Variants in WFDC1 observed in about 807,000 individuals in gnomAD.
The protein encoded by WFDC1 is WAP four-disulfide core domain 1.
A neutral mutation model predicts 32.9 loss-of-function variants in WFDC1; 39 were observed. The observed-to-expected ratio is 1.19, with a 90% CI of 0.92 to 1.55. The LOEUF is 1.55. Ranked by LOEUF, WFDC1 falls within the 40% of genes most tolerant of loss-of-function variation. The pLI, the probability that WFDC1 is intolerant of heterozygous loss-of-function variation, is 0.00. For synonymous variants in WFDC1, 184 were observed against 137.4 expected, an observed-to-expected ratio of 1.34 and a Z score of -2.37; for missense variants, 386 against 309.5, an observed-to-expected ratio of 1.25 and a Z score of -1.85.
At chr16:84,299,687 C>G (rs369223757) in intron 1 of WFDC1, among the ~76,000 whole-genome samples, 3 of 152,194 alleles carry the variant, frequency 2.0e-5, no homozygotes, top group East Asian at 3.9e-4. Flanking sequence ...TGCTATGCAG[C>G]CCCTGGCCTG....
At chr16:84,300,182 G>A (rs923615619) in intron 1 of WFDC1, among the ~76,000 whole-genome samples, 3 of 152,242 alleles carry the variant, frequency 2.0e-5, no homozygotes, top group African/African-American at 7.2e-5. Context: ...CTGGCCTGAA[G>A]GCTTTCTCTG....
rs371335943 is a variant in WFDC1, at chr16:84,295,055, C to T, written c.84C>T (p.Ala28=). ...GCCTCTTGCTACTTCTCCTCCACGCCGGCTCTGCCAAGAATATCTGGAAAC... is the reference window on the plus strand; with the variant it reads ...GCCTCTTGCTACTTCTCCTCCACGCTGGCTCTGCCAAGAATATCTGGAAAC... The part of the protein sequence containing the change: ...ALCLLLLLLH[A]GSAKNIWKRA... The change falls in exon 1 of 7, where the codon GCC becomes GCT. Residue 28 remains alanine, a synonymous_variant. Coordinates refer to ENST00000219454, the MANE Select transcript of WFDC1 (RefSeq NM_021197.4). The T allele has an allele frequency of 1.5e-5, 25 of 1,614,106 alleles. 1 individual carries two copies. The highest frequency in any genetic ancestry group is 1.6e-4 in the Middle Eastern group (1 of 6,084).
At chr16:84,306,737 G>T (rs1037586874) in intron 1 of WFDC1, among the ~76,000 whole-genome samples, 9 of 150,420 alleles carry the variant, frequency 6.0e-5, no homozygotes, top group African/African-American at 2.2e-4. Context: ...CCAGCAAACT[G>T]CCAGGGTGTG....
At position 84,307,414 on chromosome 16, in the gene WFDC1, C is replaced by G. The variant is rs548678729; in HGVS notation, c.145-5547C>G. 2.6e-5 allele frequency among the ~76,000 whole-genome samples: 4 copies of G among 152,332 alleles called. No individual in the cohort carries two copies. The South Asian group carries it at 8.3e-4, about 32-fold the overall frequency. ...TCAGTGCTTTATCACTCACGACCAT[C>G]TGTTGTTTCAGTCACGCAGTAAATA... On this transcript the variant is annotated intron_variant, in intron 1 of 6. Transcript: ENST00000219454.
Position 84,315,008 on chromosome 16 carries a change from G to A in WFDC1, c.337+1855G>A, listed in dbSNP as rs112449064. Among the ~76,000 whole-genome samples the A allele has an allele frequency of 6.2e-3, 944 of 152,360 alleles. 4 individuals are homozygous for A. The highest frequency in any genetic ancestry group is 0.021 in the African/African-American group (866 of 41,576). ...CCCTGTGTCACAACTGAAGCTCAGAGAAGCTGAATCATTTGCCCAAGGTCA... is the reference window on the plus strand; with the variant it reads ...CCCTGTGTCACAACTGAAGCTCAGAAAAGCTGAATCATTTGCCCAAGGTCA... On this transcript the variant is annotated intron_variant, in intron 2 of 6. Coordinates refer to ENST00000219454, the MANE Select transcript of WFDC1 (RefSeq NM_021197.4).
chr16:84,309,663 A>G (rs1179721334), intron 1 of WFDC1, among the ~76,000 whole-genome samples: 2 of 152,038 alleles, frequency 1.3e-5, no homozygotes, highest in Non-Finnish European at 2.9e-5. Flanking sequence ...CATCAGCTTC[A>G]CTGGACTGAG....
At chr16:84,322,158 TGC>T (rs956797540) in intron 4 of WFDC1, among the ~76,000 whole-genome samples, 22 of 90,034 alleles carry the variant, frequency 2.4e-4, no homozygotes, top group East Asian at 2.2e-3. Context: ...TGTGTGTGTG[TGC>T]GTGTGTGTGT....
intron 1 of WFDC1, chr16:84,295,445 C>G: frequency 2.1e-6 from 1 of 485,300 alleles, no homozygotes; most frequent in Non-Finnish European, 3.6e-6. Context: ...CGGAGCATTC[C>G]GTCTCCCTGA....
intron 1 of WFDC1, among the ~76,000 whole-genome samples, chr16:84,297,139 G>C (rs1267355018): frequency 6.6e-6 from 1 of 152,192 alleles, no homozygotes; most frequent in East Asian, 1.9e-4. Flanking sequence ...GATATGCGCG[G>C]GGGATTTGGG....
At chr16:84,312,038 G>A (rs1907663457) in intron 1 of WFDC1, among the ~76,000 whole-genome samples, 1 of 151,982 alleles carries the variant, frequency 6.6e-6, no homozygotes, top group Non-Finnish European at 1.5e-5. Context: ...GGTGGCACAT[G>A]CCTCTAATCC....
chr16:84,311,307 C>G (rs984880348), intron 1 of WFDC1, among the ~76,000 whole-genome samples: 1 of 150,000 alleles, frequency 6.7e-6, no homozygotes, highest in Non-Finnish European at 1.5e-5. Flanking sequence ...TGCAATGGCT[C>G]GATCTTGGCT....
At chr16:84,306,974 C>A (rs1174630790) in intron 1 of WFDC1, among the ~76,000 whole-genome samples, 1 of 151,968 alleles carries the variant, frequency 6.6e-6, no homozygotes, top group African/African-American at 2.4e-5. Flanking sequence ...TGAAGCTCCA[C>A]AAAGCAGGGA....
chr16:84,318,097 C>T, intron 2 of WFDC1, 175 bp from the exon 3 acceptor site: 1 of 607,936 alleles, frequency 1.6e-6, no homozygotes, highest in Admixed American at 2.6e-5. Flanking sequence ...GTGCCCAGCC[C>T]ACAGTGAAAG....
intron 6 of WFDC1, chr16:84,327,927 C>G (rs244782): frequency 0.27 from 40,399 of 152,146 alleles, 6,272 homozygotes; most frequent in East Asian, 0.73. Flanking sequence ...TGGTAGGGGA[C>G]GGCTACACAA....
rs575290003 is a variant in WFDC1 at position 84,318,437 on chromosome 16, A to C, written c.421+82A>C. 4.3e-4 allele frequency: 588 copies of C among 1,381,324 alleles called. 1 individual carries two copies. In the African/African-American group the frequency reaches 7.1e-3, roughly 17 times the overall value. The allele number at this position is 1,381,324 out of a possible 1,614,324, so 85.6% of individuals were successfully genotyped here. A position where few individuals can be genotyped will look rare whatever the true frequency, so the allele number is the denominator to read the frequency against. The stretch of plus-strand genomic sequence containing the variant: ...CTGCTTCCAGAAAGCTGGCAGCACC[A>C]GGCCGGCTGTCCCCCATGCACGGGC... On this transcript the variant is annotated intron_variant, in intron 3 of 6. Transcript: ENST00000219454.
chr16:84,317,386 TAAAAC>T (rs1309520213), intron 2 of WFDC1: 3 of 151,756 alleles, frequency 2.0e-5, no homozygotes, highest in African/African-American at 7.3e-5. Flanking sequence ...AGAAAAAAAA[TAAAAC>T]AGTCTGGGAG....
At chr16:84,322,150 TGTGTGTGTGC>T (rs1205914650) in intron 4 of WFDC1, among the ~76,000 whole-genome samples, 2 of 104,862 alleles carry the variant, frequency 1.9e-5, no homozygotes, top group Admixed American at 1.9e-4. Context: ...AGAGCCTGTG[TGTGTGTGTGC>T]GTGTGTGTGT....
chr16:84,318,922 G>C, intron 3 of WFDC1: 1 of 194,826 alleles, frequency 5.1e-6, no homozygotes, highest in Non-Finnish European at 1.1e-5. Flanking sequence ...GTGTGTGTGT[G>C]TGTGTGTGTG....
intron 1 of WFDC1, among the ~76,000 whole-genome samples, chr16:84,308,522 G>T (rs1907404779): frequency 6.6e-6 from 1 of 152,224 alleles, no homozygotes; most frequent in Non-Finnish European, 1.5e-5. Context: ...TTAAGCTGAG[G>T]ACTAAAGGGT....
Sources: gnomAD v4.1 joint callset for allele counts (sites outside exome capture counted in the v4.1 genomes callset) on GRCh38, gnomAD v4.1.1 for gene constraint, MANE v1.5 for transcripts, NCBI Gene and HGNC (gene_info 2026-07-23, HGNC 2026-07-21) for gene names.